Variants in BEND4 observed in about 807,000 individuals in gnomAD.
The protein encoded by BEND4 is BEN domain-containing protein 4.
In BEND4, 27 loss-of-function variants were observed where a neutral mutation model predicts 54.7. The observed-to-expected ratio is 0.49, with a 90% CI of 0.36 to 0.68. BEND4 has a LOEUF of 0.68. Among genes scored for constraint, BEND4 ranks in the 30% least tolerant of loss-of-function variants. BEND4 has a pLI of 0.00. For missense variants in BEND4, 702 were observed against 697.2 expected, an observed-to-expected ratio of 1.01 and a Z score of -0.08; for synonymous variants, 327 against 299.5, an observed-to-expected ratio of 1.09 and a Z score of -0.95.
chr4:42,148,073 ATT>A (rs1721139912), intron 2 of BEND4, among the ~76,000 whole-genome samples: 2 of 152,324 alleles, frequency 1.3e-5, no homozygotes, highest in South Asian at 4.1e-4. Flanking sequence ...ACTATCATGT[ATT>A]CATATGTTAT....
Position 42,143,410 on chromosome 4 carries a change from A to G in BEND4, c.1054+18T>C. The G allele has an allele frequency of 6.5e-7, 1 of 1,544,514 alleles. No homozygotes were observed. Among genetic ancestry groups the G allele is most frequent in the Non-Finnish European group, 8.8e-7 (1 of 1,140,376 alleles). On this transcript the variant is annotated intron_variant, in intron 3 of 5. Coordinates refer to ENST00000502486, the MANE Select transcript of BEND4 (RefSeq NM_207406.4). Reference sequence around the variant, plus strand: ...AAAGAAGGGTTGCAGTTGTCTTGCAAGGAATATGGCAGGATACCTGGGATG... The same window carrying G: ...AAAGAAGGGTTGCAGTTGTCTTGCAGGGAATATGGCAGGATACCTGGGATG...
chr4:42,124,123 G>A (rs949699334), intron 4 of BEND4, among the ~76,000 whole-genome samples: 2 of 152,204 alleles, frequency 1.3e-5, no homozygotes, highest in Non-Finnish European at 2.9e-5. Context: ...GGGAGGCTGA[G>A]GCAGGACAAT....
chr4:42,130,100 G>A (rs1720450189), intron 3 of BEND4, among the ~76,000 whole-genome samples: 2 of 152,146 alleles, frequency 1.3e-5, no homozygotes, highest in South Asian at 4.1e-4. Context: ...GACATGAACA[G>A]ACACTTCTCA....
chr4:42,152,244 C>A lies in BEND4; in HGVS notation c.-101G>T, dbSNP rs1037128226. On this transcript the variant is annotated 5_prime_UTR_variant, in exon 2 of 6. Transcript: ENST00000502486. ...CCTGCCCGCCGGGTCTGCCCTGGTG[C>A]GCGCGTGTGGGAGGGTGTGTGTCTG... 8.7e-7 allele frequency: 1 copy of A among 1,147,990 alleles called. No individual in the cohort carries two copies. Among genetic ancestry groups the A allele is most frequent in the Non-Finnish European group, 1.1e-6 (1 of 913,882 alleles). 71.1% of individuals were successfully genotyped at this position (1,147,990 alleles called of 1,614,324 possible).
At chr4:42,128,664 C>T (rs1720386839) in intron 3 of BEND4, among the ~76,000 whole-genome samples, 1 of 151,744 alleles carries the variant, frequency 6.6e-6, no homozygotes, top group South Asian at 2.1e-4. Context: ...CTGGCCAGTG[C>T]CATTAAGCAA....
chr4:42,146,904 A>C (rs953592711), intron 2 of BEND4, among the ~76,000 whole-genome samples: 12 of 152,222 alleles, frequency 7.9e-5, no homozygotes, highest in African/African-American at 2.9e-4. Context: ...TTGATAAATC[A>C]CATTAGAGTA....
At position 42,118,490 on chromosome 4, in the gene BEND4, C is replaced by T. The variant is rs142991447; in HGVS notation, c.1388-755G>A. Reference sequence around the variant, plus strand: ...ATTGTGGCCCTAAGTGAAAAATGAGCTAGAGACAGCAGTCTCTGGTTAGGC... The same window carrying T: ...ATTGTGGCCCTAAGTGAAAAATGAGTTAGAGACAGCAGTCTCTGGTTAGGC... On this transcript the variant is annotated intron_variant, in intron 5 of 5. Transcript: ENST00000502486. Among the ~76,000 whole-genome samples the T allele has an allele frequency of 4.0e-3, 605 of 152,292 alleles. 3 individuals carry two copies. The highest frequency in any genetic ancestry group is 0.014 in the African/African-American group (584 of 41,558).
chr4:42,128,459 TA>T (rs951655074), intron 3 of BEND4, among the ~76,000 whole-genome samples: 69 of 151,732 alleles, frequency 4.5e-4, no homozygotes, highest in Middle Eastern at 6.9e-3. Context: ...CCGTTTCTAT[TA>T]AAAAACACAA....
intron 5 of BEND4, 30 bp from the exon 6 acceptor site, chr4:42,117,765 G>C (rs552993377): frequency 4.1e-6 from 6 of 1,472,660 alleles, no homozygotes; most frequent in Admixed American, 2.2e-5. Context: ...ATCAAAAAGA[G>C]AGAGAGAAAA....
At chr4:42,151,546 C>A (rs1721283724) in intron 2 of BEND4, 111 bp downstream of exon 2, 2 of 1,166,076 alleles carry the variant, frequency 1.7e-6, no homozygotes, top group Non-Finnish European at 2.2e-6. Context: ...CCCGACATCC[C>A]GACACGGCCC....
chr4:42,146,088 G>T (rs776331524), intron 2 of BEND4, among the ~76,000 whole-genome samples: 1 of 152,088 alleles, frequency 6.6e-6, no homozygotes, highest in Non-Finnish European at 1.5e-5. Flanking sequence ...CAGCAGGACC[G>T]CCACCTGACC....
At chr4:42,141,753 C>CA (rs1170484571) in intron 3 of BEND4, among the ~76,000 whole-genome samples, 1 of 150,848 alleles carries the variant, frequency 6.6e-6, no homozygotes, top group East Asian at 1.9e-4. Context: ...TTAAAACAAA[C>CA]AAAAAAAAGG....
chr4:42,112,243 G>C lies in BEND4; in HGVS notation c.*5275C>G, dbSNP rs1001892454. 1 of 152,146 alleles carries C rather than the reference G, an allele frequency of 6.6e-6. No individual in the cohort carries two copies. The highest frequency in any genetic ancestry group is 2.4e-5 in the African/African-American group (1 of 41,426). The allele number at this position is 152,146 out of a possible 1,614,324, so 9.4% of individuals were successfully genotyped here. A position where few individuals can be genotyped will look rare whatever the true frequency, so the allele number is the denominator to read the frequency against. On this transcript the variant is annotated 3_prime_UTR_variant, in exon 6 of 6. Transcript: ENST00000502486. ...GCAGTTTCCTTATCAATACAATGGG[G>C]ATAAGAACAGTAACAGCCTCATAGG...
At chr4:42,137,664 G>C (rs1720740339) in intron 3 of BEND4, among the ~76,000 whole-genome samples, 1 of 151,972 alleles carries the variant, frequency 6.6e-6, no homozygotes, top group Non-Finnish European at 1.5e-5. Flanking sequence ...TCTCTGCATA[G>C]CAATCAACAA....
At position 42,112,409 on chromosome 4, in the gene BEND4, C is replaced by T. The variant is rs2153143618; in HGVS notation, c.*5109G>A. 1 of 152,248 alleles carries T rather than the reference C, an allele frequency of 6.6e-6. No individual in the cohort carries two copies. Among genetic ancestry groups the T allele is most frequent in the South Asian group, 2.1e-4 (1 of 4,824 alleles). 9.4% of individuals were successfully genotyped at this position (152,248 alleles called of 1,614,324 possible). A position where few individuals can be genotyped will look rare whatever the true frequency, so the allele number is the denominator to read the frequency against. ...TTCTGAACGGGCCCAAATAGTTTTC[C>T]AATGTGGCCAGGATACATCTGGCCA... On this transcript the variant is annotated 3_prime_UTR_variant, in exon 6 of 6. Transcript: ENST00000502486.
chr4:42,132,405 C>A (rs753917100), intron 3 of BEND4, among the ~76,000 whole-genome samples: 4 of 152,088 alleles, frequency 2.6e-5, no homozygotes, highest in Non-Finnish European at 5.9e-5. Context: ...TCACAGCCAA[C>A]TGCCTCCTCG....
chr4:42,142,346 G>T (rs538952421), intron 3 of BEND4, among the ~76,000 whole-genome samples: 3 of 150,376 alleles, frequency 2.0e-5, no homozygotes, highest in African/African-American at 7.3e-5. Flanking sequence ...CACGGCTGGC[G>T]CAGTGGCTCA....
chr4:42,152,379 G>A lies in BEND4; in HGVS notation c.-233-3C>T. The A allele has an allele frequency of 3.3e-6, 1 of 303,964 alleles. No homozygotes were observed. Among genetic ancestry groups the A allele is most frequent in the East Asian group, 5.4e-5 (1 of 18,468 alleles). 18.8% of individuals were successfully genotyped at this position (303,964 alleles called of 1,614,324 possible). On this transcript the variant is annotated splice_polypyrimidine_tract_variant and splice_region_variant and intron_variant, in intron 1 of 5. Coordinates refer to ENST00000502486, the MANE Select transcript of BEND4 (RefSeq NM_207406.4). ...TTGACAGGCTGCCTCGCCAATGCCT[G>A]GAGGGAGAAAGGAGGTAAAGAGCAA... is the stretch of plus-strand genomic sequence containing the variant.
At position 42,143,601 on chromosome 4, in the gene BEND4, G is replaced by A. The variant is rs548551943; in HGVS notation, c.881C>T (p.Thr294Ile). The change falls in exon 3 of 6, where the codon ACT becomes ATT. Residue 294 changes from threonine (T) to isoleucine (I), a missense_variant. By Grantham distance (89) the Thr-to-Ile change is moderately conservative. Coordinates refer to ENST00000502486, the MANE Select transcript of BEND4 (RefSeq NM_207406.4). ...ATGGGATTCGGACGTTGCTGGGGAA[G>A]TCCAGCCACCTAATGTATGCACAGG... The part of the protein sequence containing the change: ...TSPVHTLGGW[T>I]SPATSESHGH... The A allele has an allele frequency of 4.4e-6, 7 of 1,600,102 alleles. No individual in the cohort carries two copies. The highest frequency in any genetic ancestry group is 1.7e-5 in the Admixed American group (1 of 57,274).
Sources: gnomAD v4.1 joint callset for allele counts (sites outside exome capture counted in the v4.1 genomes callset) on GRCh38, gnomAD v4.1.1 for gene constraint, MANE v1.5 for transcripts, NCBI Gene and HGNC (gene_info 2026-07-23, HGNC 2026-07-21) for gene names.